Variants in CSNK1E observed in about 807,000 individuals in gnomAD.
CSNK1E encodes casein kinase 1 epsilon.
In CSNK1E, 17 loss-of-function variants were observed where a neutral mutation model predicts 46.1. That is an observed-to-expected ratio of 0.37 (90% CI 0.25 to 0.55). The LOEUF (loss-of-function observed/expected upper bound fraction) is 0.55, where lower values mean the gene tolerates loss of function less well. Among genes scored for constraint, CSNK1E ranks in the 20% least tolerant of loss-of-function variants. The pLI, the probability that CSNK1E is intolerant of heterozygous loss-of-function variation, is 0.82. For synonymous variants in CSNK1E, 241 were observed against 242.6 expected (o/e 0.99, Z 0.06); for missense variants, 386 against 595.4 (o/e 0.65, Z 3.66).
At chr22:38,315,625 G>C (rs1479487338) in intron 1 of CSNK1E, among the ~76,000 whole-genome samples, 1 of 144,702 alleles carries the variant, frequency 6.9e-6, no homozygotes, top group Non-Finnish European at 1.5e-5. Context: ...AGTGAGCCCT[G>C]TTGGGGGGTA....
rs933321350 is a variant in CSNK1E at position 38,309,445 on chromosome 22, C to T, written c.76+4637G>A. On this transcript the variant is annotated intron_variant, in intron 2 of 10. Coordinates refer to ENST00000396832, the MANE Select transcript of CSNK1E (RefSeq NM_152221.3). This position sits in a 1 kb window ranked among gnomAD's most constrained non-coding sequence, Gnocchi z 4.8. The stretch of plus-strand genomic sequence containing the variant: ...CCCTTACTCCACTCTTCGAGTACTA[C>T]TGTTTGTATTTCTTTTTTCTTTTTT... Among the ~76,000 whole-genome samples, 3 of 152,042 alleles carry T rather than the reference C, an allele frequency of 2.0e-5. No individual in the cohort carries two copies. Among genetic ancestry groups the T allele is most frequent in the African/African-American group, 4.8e-5 (2 of 41,404 alleles).
chr22:38,316,639 G>A (rs1204381143), intron 1 of CSNK1E: 1 of 152,208 alleles, frequency 6.6e-6, no homozygotes, highest in Non-Finnish European at 1.5e-5. Context: ...ACAAATCAGT[G>A]GCCTGGTGAC....
chr22:38,296,269 C>T (rs2092639904), intron 7 of CSNK1E: 1 of 1,195,420 alleles, frequency 8.4e-7, no homozygotes, highest in Non-Finnish European at 1.0e-6. Context: ...CACGAGCATC[C>T]ACCCGTCATC....
In CSNK1E at chr22:38,298,050, C is replaced by T; in HGVS notation, c.885+736G>A. ...GGCTCAGCCTCTTGCGCTCACTGGT[C>T]AAGTGGCAAATTTTGGAAAAGCCAG... On this transcript the variant is annotated intron_variant, in intron 7 of 10. Coordinates refer to ENST00000396832, the MANE Select transcript of CSNK1E (RefSeq NM_152221.3). This position sits in a 1 kb window ranked among gnomAD's most constrained non-coding sequence, Gnocchi z 4.2. 8.5e-7 allele frequency: 1 copy of T among 1,173,420 alleles called. No individual in the cohort carries two copies. The highest frequency in any genetic ancestry group is 1.1e-6 in the Non-Finnish European group (1 of 923,942). 72.7% of individuals were successfully genotyped at this position (1,173,420 alleles called of 1,614,324 possible). A position where few individuals can be genotyped will look rare whatever the true frequency, so the allele number is the denominator to read the frequency against.
rs2092664422 is a variant in CSNK1E, at chr22:38,300,341, T to G, written c.566-276A>C. 6.6e-6 allele frequency among the ~76,000 whole-genome samples: 1 copy of G among 152,182 alleles called. No homozygotes were observed. Among genetic ancestry groups the G allele is most frequent in the Non-Finnish European group, 1.5e-5 (1 of 68,024 alleles). On this transcript the variant is annotated intron_variant, in intron 5 of 10. Transcript: ENST00000396832. The surrounding 1 kb of genome is among the most constrained non-coding windows in gnomAD (Gnocchi z 4.4). Reference sequence around the variant, plus strand: ...AGAGGGCACCTACTGCCCCCTTGCCTGGCCCACCCCGTGGAGAGGTCACAA... The same window carrying G: ...AGAGGGCACCTACTGCCCCCTTGCCGGGCCCACCCCGTGGAGAGGTCACAA...
At chr22:38,293,187 T>C (rs2092620578) in intron 10 of CSNK1E, 68 bp downstream of exon 10, 1 of 1,286,228 alleles carries the variant, frequency 7.8e-7, no homozygotes, top group Admixed American at 1.7e-5. Flanking sequence ...CACATTGGTC[T>C]CTTTCTGGGG....
chr22:38,297,338 T>C (rs537204367), intron 7 of CSNK1E, among the ~76,000 whole-genome samples: 30 of 152,104 alleles, frequency 2.0e-4, no homozygotes, highest in Admixed American at 7.9e-4. Flanking sequence ...AGGTCTAGGG[T>C]GAAGTCAGAG....
chr22:38,298,758 A>C lies in CSNK1E; in HGVS notation c.885+28T>G. 6.2e-7 allele frequency: 1 copy of C among 1,613,190 alleles called. No individual in the cohort carries two copies. Among genetic ancestry groups the C allele is most frequent in the Non-Finnish European group, 8.5e-7 (1 of 1,179,632 alleles). On this transcript the variant is annotated intron_variant, in intron 7 of 10. Coordinates refer to ENST00000396832, the MANE Select transcript of CSNK1E (RefSeq NM_152221.3). This position sits in a 1 kb window ranked among gnomAD's most constrained non-coding sequence, Gnocchi z 4.2. ...AGGGCCTTCCCCATCCAGTCCCCCA[A>C]GCCCGCCTTGGCCTCCAGGTGACTC... is the stretch of plus-strand genomic sequence containing the variant.
intron 2 of CSNK1E, among the ~76,000 whole-genome samples, chr22:38,312,560 G>C (rs191045234): frequency 1.4e-3 from 207 of 152,270 alleles, no homozygotes; most frequent in Non-Finnish European, 1.3e-3. Context: ...TGGGGTCGCA[G>C]AGAAAAACCT....
intron 4 of CSNK1E, 53 bp from the exon 5 acceptor site, chr22:38,301,005 T>C: frequency 6.7e-7 from 1 of 1,494,174 alleles, no homozygotes; most frequent in East Asian, 2.3e-5. Context: ...CCTAGCACTC[T>C]GGGCCAGGCA....
intron 2 of CSNK1E, among the ~76,000 whole-genome samples, chr22:38,305,793 A>G (rs1327124006): frequency 1.3e-5 from 2 of 152,034 alleles, no homozygotes; most frequent in Non-Finnish European, 2.9e-5. Context: ...TGTCGGCAAG[A>G]CTGTGGGGGC....
At chr22:38,295,800 C>A (rs2092637402) in intron 7 of CSNK1E, among the ~76,000 whole-genome samples, 1 of 152,226 alleles carries the variant, frequency 6.6e-6, no homozygotes, top group South Asian at 2.1e-4. Flanking sequence ...ATCCTCCCAC[C>A]CAGAAGCCTC....
In CSNK1E at chr22:38,305,121, C is replaced by CA. The variant is rs33987200; in HGVS notation, c.77-1874dup. 7.1e-3 allele frequency among the ~76,000 whole-genome samples: 373 copies of CA among 52,830 alleles called. 51 individuals carry two copies. The highest frequency in any genetic ancestry group is 0.027 in the South Asian group (25 of 926). The allele number at this position is 52,830 out of a possible 152,430, so 34.7% of individuals were successfully genotyped here. A position where few individuals can be genotyped will look rare whatever the true frequency, so the allele number is the denominator to read the frequency against. ...TGGGTGACGGAGTGAAACTCCAGCT[C>CA]AAAAAAAAAAAAAAAAAAAAAAAAA... On this transcript the variant is annotated intron_variant, in intron 2 of 10. Coordinates refer to ENST00000396832, the MANE Select transcript of CSNK1E (RefSeq NM_152221.3).
In CSNK1E at chr22:38,307,499, C is replaced by T. The variant is rs189367928; in HGVS notation, c.77-4251G>A. ...CTGGGAGGCGGAGGTTGCAGTGAGC[C>T]GAGATCACACAACTGCACTCCAGCC... is the stretch of plus-strand genomic sequence containing the variant. On this transcript the variant is annotated intron_variant, in intron 2 of 10. Transcript: ENST00000396832. Among the ~76,000 whole-genome samples the T allele has an allele frequency of 2.6e-5, 4 of 151,816 alleles. No homozygotes were observed. The East Asian group carries it at 5.8e-4, about 22-fold the overall frequency.
intron 2 of CSNK1E, among the ~76,000 whole-genome samples, chr22:38,311,902 T>A (rs1393783783): frequency 6.6e-6 from 1 of 151,824 alleles, no homozygotes; most frequent in African/African-American, 2.4e-5. Context: ...CCTCCCAGAT[T>A]CAAGCCATTC....
chr22:38,296,038 T>A (rs1318533006), intron 7 of CSNK1E, among the ~76,000 whole-genome samples: 1 of 152,168 alleles, frequency 6.6e-6, no homozygotes, highest in African/African-American at 2.4e-5. Flanking sequence ...AGAGGCTGAG[T>A]GACTCACTCC....
chr22:38,307,370 G>A (rs2092702969), intron 2 of CSNK1E, among the ~76,000 whole-genome samples: 1 of 152,018 alleles, frequency 6.6e-6, no homozygotes, highest in Non-Finnish European at 1.5e-5. Flanking sequence ...CCACCATGAT[G>A]AAACCCCATC....
chr22:38,294,418 C>T lies in CSNK1E; in HGVS notation c.1002G>A (p.Thr334=), dbSNP rs1171600961. ...TGCGGAGCCGGTTGGCAGTGGCCCC[C>T]GTGGGTGGGCCAGGGGGCAGGGCTC... is the stretch of plus-strand genomic sequence containing the variant. The part of the protein sequence containing the change: ...ATRALPPGPP[T]GATANRLRSA... Residue 334 remains threonine (T), a synonymous_variant, in exon 8 of 11, where the codon ACG becomes ACA. Transcript: ENST00000396832. This position sits in a 1 kb window ranked among gnomAD's most constrained non-coding sequence, Gnocchi z 5.5. 14 of 1,559,890 alleles carry T rather than the reference C, an allele frequency of 9.0e-6. No homozygotes were observed. In the South Asian group the frequency reaches 1.1e-4, roughly 12 times the overall value.
rs2092661886 is a variant in CSNK1E at position 38,299,902 on chromosome 22, G to A, written c.729C>T (p.Gly243=). 3 of 1,613,922 alleles carry A rather than the reference G, an allele frequency of 1.9e-6. No individual in the cohort carries two copies. The highest frequency in any genetic ancestry group is 2.7e-5 in the African/African-American group (2 of 74,942). The change falls in exon 6 of 11, where the codon GGC becomes GGT. Residue 243 remains glycine (G), a synonymous_variant. Transcript: ENST00000396832. Reference sequence around the variant, plus strand: ...TCCCACTGGGCTACTCACAGGGATAGCCTTTGCAGAGGACCTCGATGGGCG... The same window carrying A: ...TCCCACTGGGCTACTCACAGGGATAACCTTTGCAGAGGACCTCGATGGGCG... ...MSTPIEVLCK[G]YPSEFSTYLN...
Sources: gnomAD v4.1 joint callset for allele counts (sites outside exome capture counted in the v4.1 genomes callset) on GRCh38, gnomAD v4.1.1 for gene constraint, Gnocchi (gnomAD v3.1) non-coding constraint, MANE v1.5 for transcripts, NCBI Gene and HGNC (gene_info 2026-07-23, HGNC 2026-07-21) for gene names.